Variants in DERA observed in about 807,000 individuals in gnomAD.
DERA encodes the protein deoxyribose-phosphate aldolase.
Under a neutral mutation model 41.1 loss-of-function variants are expected in DERA, and 15 were observed. The observed-to-expected ratio is 0.37, with a 90% CI of 0.24 to 0.56. DERA has a LOEUF of 0.56. Ranked by LOEUF, DERA falls within the 20% of genes least tolerant of loss-of-function variation. The probability of loss-of-function intolerance (pLI) is 0.81; values close to 1 mark genes in which losing one functional copy is unlikely to be tolerated. For missense variants in DERA, 396 were observed against 403.4 expected, an observed-to-expected ratio of 0.98 and a Z score of 0.16; for synonymous variants, 139 against 137.4, an observed-to-expected ratio of 1.01 and a Z score of -0.08.
intron 3 of DERA, among the ~76,000 whole-genome samples, chr12:15,958,563 A>G (rs1409289577): frequency 6.6e-6 from 1 of 151,284 alleles, no homozygotes; most frequent in Non-Finnish European, 1.5e-5. Flanking sequence ...AATGGATTAA[A>G]ATGCTTGGTA....
intron 1 of DERA, among the ~76,000 whole-genome samples, chr12:15,937,894 A>C (rs943631988): frequency 1.3e-5 from 2 of 152,310 alleles, no homozygotes; most frequent in Admixed American, 1.3e-4. Context: ...TCAATTCATC[A>C]AATATTTGTA....
intron 1 of DERA, among the ~76,000 whole-genome samples, chr12:15,950,342 T>C (rs1455975917): frequency 6.6e-6 from 1 of 152,214 alleles, no homozygotes; most frequent in Non-Finnish European, 1.5e-5. Flanking sequence ...GATGTTGCCA[T>C]GGCATTTGTA....
chr12:16,001,287 TA>T lies in DERA; in HGVS notation c.637+18859del, dbSNP rs369838819. 6.6e-6 allele frequency among the ~76,000 whole-genome samples: 1 copy of T among 151,940 alleles called. No individual in the cohort carries two copies. Among genetic ancestry groups the T allele is most frequent in the African/African-American group, 2.4e-5 (1 of 41,364 alleles). Reference sequence around the variant, plus strand: ...TTTGTTTGTTTGTTTTTAGAAGAAATAAAAAAAACCATTCAGGCTCCCATGA... The same window carrying T: ...TTTGTTTGTTTGTTTTTAGAAGAAATAAAAAAACCATTCAGGCTCCCATGA... On this transcript the variant is annotated intron_variant, in intron 6 of 8. Coordinates refer to ENST00000428559, the MANE Select transcript of DERA (RefSeq NM_015954.4). This position sits in a 1 kb window ranked among gnomAD's most constrained non-coding sequence, Gnocchi z 4.1.
intron 1 of DERA, 111 bp from the exon 2 acceptor site, chr12:15,956,825 A>G (rs776166730): frequency 1.2e-6 from 1 of 841,388 alleles, no homozygotes; most frequent in South Asian, 1.4e-5. Flanking sequence ...TAAGCTTTAA[A>G]AAAAGGTTGA....
intron 6 of DERA, among the ~76,000 whole-genome samples, chr12:16,028,364 A>T (rs12426173): frequency 0.22 from 32,900 of 152,228 alleles, 3,914 homozygotes; most frequent in Admixed American, 0.31. Flanking sequence ...AGGAATTATA[A>T]ACCCAAGTGT....
intron 1 of DERA, among the ~76,000 whole-genome samples, chr12:15,948,787 A>G (rs1413228313): frequency 6.6e-6 from 1 of 152,002 alleles, no homozygotes; most frequent in Non-Finnish European, 1.5e-5. Context: ...GATTTTTAGA[A>G]TTTTCAGCTT....
At chr12:15,986,017 T>A (rs1190675237) in intron 6 of DERA, among the ~76,000 whole-genome samples, 1 of 152,142 alleles carries the variant, frequency 6.6e-6, no homozygotes, top group Admixed American at 6.5e-5. Flanking sequence ...TCATCATGTA[T>A]TTTGGAGCTC....
rs369439202 is a variant in DERA at position 16,014,274 on chromosome 12, C to G, written c.638-18268C>G. ...TGGGGGAAATGTCTCCAGGGCATGT[C>G]AGAGATCTTCATGGCAGTCTCTCCC... On this transcript the variant is annotated intron_variant, in intron 6 of 8. Coordinates refer to ENST00000428559, the MANE Select transcript of DERA (RefSeq NM_015954.4). This position sits in a 1 kb window ranked among gnomAD's most constrained non-coding sequence, Gnocchi z 5.4. 1.3e-5 allele frequency among the ~76,000 whole-genome samples: 2 copies of G among 152,178 alleles called. No homozygotes were observed. Among genetic ancestry groups the G allele is most frequent in the Non-Finnish European group, 2.9e-5 (2 of 68,036 alleles).
In DERA at chr12:15,992,414, T is replaced by C. The variant is rs185084395; in HGVS notation, c.637+9978T>C. 2.5e-4 allele frequency among the ~76,000 whole-genome samples: 38 copies of C among 152,272 alleles called. No individual in the cohort carries two copies. Among genetic ancestry groups the C allele is most frequent in the Admixed American group, 7.8e-4 (12 of 15,292 alleles). ...TGTATTTCTAAAGCAATGTAAGGTA[T>C]GACAAGGATATTAATGATCTGTAAG... On this transcript the variant is annotated intron_variant, in intron 6 of 8. Coordinates refer to ENST00000428559, the MANE Select transcript of DERA (RefSeq NM_015954.4). The surrounding 1 kb of genome is among the most constrained non-coding windows in gnomAD (Gnocchi z 4.3).
chr12:16,032,566 C>A lies in DERA; in HGVS notation c.662C>A (p.Thr221Asn). ...GGATCAGATTTTATTAAGACCTCTA[C>A]TGGAAAAGAAACAGTAAATGCCACC... is the stretch of plus-strand genomic sequence containing the variant. ...MAGSDFIKTS[T>N]GKETVNATFP... Residue 221 changes from threonine to asparagine, a missense_variant, in exon 7 of 9, where the codon ACT (threonine) becomes AAT (asparagine). Thr to Asn is a moderately conservative substitution (Grantham distance 65). Coordinates refer to ENST00000428559, the MANE Select transcript of DERA (RefSeq NM_015954.4). 6.4e-7 allele frequency: 1 copy of A among 1,550,748 alleles called. No homozygotes were observed. The highest frequency in any genetic ancestry group is 1.4e-5 in the African/African-American group (1 of 72,670).
chr12:16,017,677 A>G lies in DERA; in HGVS notation c.638-14865A>G, dbSNP rs1339348106. Among the ~76,000 whole-genome samples, 1 of 152,154 alleles carries G rather than the reference A, an allele frequency of 6.6e-6. No individual in the cohort carries two copies. Among genetic ancestry groups the G allele is most frequent in the East Asian group, 1.9e-4 (1 of 5,194 alleles). ...TACAATATTGAAGACTTTTAATTTGAGGGCTTATATCTTTGCATACCCTGC... is the reference window on the plus strand; with the variant it reads ...TACAATATTGAAGACTTTTAATTTGGGGGCTTATATCTTTGCATACCCTGC... On this transcript the variant is annotated intron_variant, in intron 6 of 8. Transcript: ENST00000428559. This position sits in a 1 kb window ranked among gnomAD's most constrained non-coding sequence, Gnocchi z 5.5.
chr12:16,033,009 G>A, intron 7 of DERA: 1 of 212,426 alleles, frequency 4.7e-6, no homozygotes. Flanking sequence ...GTTGGCCAGT[G>A]AAAACAGGTT....
At chr12:15,961,368 C>G (rs904750138) in intron 4 of DERA, among the ~76,000 whole-genome samples, 1 of 152,022 alleles carries the variant, frequency 6.6e-6, no homozygotes. Context: ...AGAGGAATAT[C>G]CTGATGCTTT....
chr12:15,955,551 A>C (rs1022993388), intron 1 of DERA, among the ~76,000 whole-genome samples: 8 of 152,212 alleles, frequency 5.3e-5, no homozygotes, highest in Non-Finnish European at 1.0e-4. Flanking sequence ...AGATGGATTG[A>C]AATGTTAAAA....
At position 15,973,680 on chromosome 12, in the gene DERA, T is replaced by A. The variant is rs563528437; in HGVS notation, c.509-8628T>A. 3.3e-5 allele frequency among the ~76,000 whole-genome samples: 5 copies of A among 152,156 alleles called. 1 individual carries two copies. The highest frequency in any genetic ancestry group is 3.3e-4 in the Admixed American group (5 of 15,280). On this transcript the variant is annotated intron_variant, in intron 5 of 8. Coordinates refer to ENST00000428559, the MANE Select transcript of DERA (RefSeq NM_015954.4). The stretch of plus-strand genomic sequence containing the variant: ...GGAAAATGATTGAATACATTTTTTA[T>A]GTCCATGTGATGGAATATTGTGCAG...
intron 6 of DERA, among the ~76,000 whole-genome samples, chr12:15,987,042 A>G (rs549938144): frequency 3.7e-4 from 57 of 152,104 alleles, no homozygotes; most frequent in African/African-American, 1.3e-3. Flanking sequence ...TGTATGTAAT[A>G]TCTTATCTTA....
At chr12:15,929,259 G>C (rs540077439) in intron 1 of DERA, among the ~76,000 whole-genome samples, 1 of 152,332 alleles carries the variant, frequency 6.6e-6, no homozygotes, top group East Asian at 1.9e-4. Flanking sequence ...CAGAGCATTT[G>C]AAAGCACTGG....
At position 15,921,149 on chromosome 12, in the gene DERA, A is replaced by G. The variant is rs1948240734; in HGVS notation, c.31+9735A>G. 6.6e-6 allele frequency among the ~76,000 whole-genome samples: 1 copy of G among 152,208 alleles called. No homozygotes were observed. Among genetic ancestry groups the G allele is most frequent in the African/African-American group, 2.4e-5 (1 of 41,444 alleles). ...AAATAAGCCTTTTTATTTGATTGAG[A>G]TAAGTGAAGAAATGTGTTAAAGTGA... is the stretch of plus-strand genomic sequence containing the variant. On this transcript the variant is annotated intron_variant, in intron 1 of 8. Coordinates refer to ENST00000428559, the MANE Select transcript of DERA (RefSeq NM_015954.4). This position sits in a 1 kb window ranked among gnomAD's most constrained non-coding sequence, Gnocchi z 5.3.
chr12:16,010,268 T>A lies in DERA; in HGVS notation c.638-22274T>A, dbSNP rs116380639. 3.9e-3 allele frequency among the ~76,000 whole-genome samples: 595 copies of A among 152,312 alleles called. 4 individuals are homozygous for A. Among genetic ancestry groups the A allele is most frequent in the African/African-American group, 0.014 (574 of 41,562 alleles). ...TCCAGGTTGCGTGCATGCTTAGTATTAATGCATGACTTCTGCAGAGTCTAG... is the reference window on the plus strand; with the variant it reads ...TCCAGGTTGCGTGCATGCTTAGTATAAATGCATGACTTCTGCAGAGTCTAG... On this transcript the variant is annotated intron_variant, in intron 6 of 8. Transcript: ENST00000428559. The surrounding 1 kb of genome is among the most constrained non-coding windows in gnomAD (Gnocchi z 5.5).
Sources: gnomAD v4.1 joint callset for allele counts (sites outside exome capture counted in the v4.1 genomes callset) on GRCh38, gnomAD v4.1.1 for gene constraint, Gnocchi (gnomAD v3.1) non-coding constraint, MANE v1.5 for transcripts, NCBI Gene and HGNC (gene_info 2026-07-23, HGNC 2026-07-21) for gene names.